Variants in IQSEC1 observed in about 807,000 individuals in gnomAD.
The protein encoded by IQSEC1 is IQ motif and SEC7 domain-containing protein 1.
A neutral mutation model predicts 91.0 loss-of-function variants in IQSEC1; 31 were observed. The observed-to-expected ratio is 0.34, with a 90% CI of 0.26 to 0.46. The LOEUF (loss-of-function observed/expected upper bound fraction) is 0.46. Among genes scored for constraint, IQSEC1 ranks in the 20% least tolerant of loss-of-function variants. The probability of loss-of-function intolerance (pLI) is 1.00; values close to 1 mark genes in which losing one functional copy is unlikely to be tolerated. For missense variants in IQSEC1, 1,388 were observed against 1,575.6 expected (o/e 0.88, Z 2.02); for synonymous variants, 699 against 662.6 (o/e 1.05, Z -0.84).
intron 1 of IQSEC1, among the ~76,000 whole-genome samples, chr3:13,257,601 C>A (rs1386332509): frequency 1.3e-5 from 2 of 152,208 alleles, no homozygotes; most frequent in African/African-American, 4.8e-5. Context: ...CACTTGAGAC[C>A]ACTCAGTTTG....
At chr3:13,212,967 T>G (rs1001753031) in intron 1 of IQSEC1, among the ~76,000 whole-genome samples, 2 of 152,260 alleles carry the variant, frequency 1.3e-5, no homozygotes, top group African/African-American at 4.8e-5. Flanking sequence ...TTATCAAATA[T>G]ATGATTTGCA....
At position 12,899,350 on chromosome 3, in the gene IQSEC1, C is replaced by T; in HGVS notation, c.*1633G>A. On this transcript the variant is annotated 3_prime_UTR_variant, in exon 14 of 14. Coordinates refer to ENST00000613206, the MANE Select transcript of IQSEC1 (RefSeq NM_001134382.3). ...TTCGCCCTTTCTGAAAGGGCCTCCG[C>T]CTGGGCAGGCGCCGGGGGGCAGTCC... 6.2e-7 allele frequency: 1 copy of T among 1,609,310 alleles called. No individual in the cohort carries two copies. Among genetic ancestry groups the T allele is most frequent in the South Asian group, 1.1e-5 (1 of 90,602 alleles).
At position 13,019,069 on chromosome 3, in the gene IQSEC1, TC is replaced by T. The variant is rs565479860; in HGVS notation, c.23+53922del. Among the ~76,000 whole-genome samples, 156 of 151,196 alleles carry T rather than the reference TC, an allele frequency of 1.0e-3. 2 individuals carry two copies. In the Middle Eastern group the frequency reaches 0.014, roughly 13 times the overall value. On this transcript the variant is annotated intron_variant, in intron 1 of 13. Coordinates refer to ENST00000613206, the MANE Select transcript of IQSEC1 (RefSeq NM_001134382.3). ...AAGAAGCCCGCCCAGCTGGCATGGC[TC>T]CCCCCCAACTCTACAGGCGAGGAAA...
In IQSEC1 at chr3:13,098,759, A is replaced by G. The variant is rs532444048; in HGVS notation, c.303-51237T>C. 1.6e-3 allele frequency among the ~76,000 whole-genome samples: 241 copies of G among 152,314 alleles called. 4 individuals carry two copies. The highest frequency in any genetic ancestry group is 7.5e-3 in the South Asian group (36 of 4,818). The stretch of plus-strand genomic sequence containing the variant: ...TCCAGAATGGGCAATTCACTAGAAA[A>G]AAGAAAGTAAATTCAAGGTTACCAG... On this transcript the variant is annotated intron_variant, in intron 2 of 15. Transcript: ENST00000648114.
At chr3:12,958,332 A>T (rs1181120600) in intron 1 of IQSEC1, among the ~76,000 whole-genome samples, 1 of 152,206 alleles carries the variant, frequency 6.6e-6, no homozygotes, top group Non-Finnish European at 1.5e-5. Context: ...ATTGGCACAC[A>T]GAGCTCTTCC....
chr3:13,077,474 A>C (rs538065015), upstream of IQSEC1, among the ~76,000 whole-genome samples: 2 of 152,300 alleles, frequency 1.3e-5, no homozygotes, highest in Non-Finnish European at 2.9e-5. Flanking sequence ...ATCACATTGC[A>C]TATCTTTTTC....
intron 1 of IQSEC1, among the ~76,000 whole-genome samples, chr3:13,219,655 A>T (rs1241591918): frequency 6.6e-6 from 1 of 152,246 alleles, no homozygotes. Context: ...GCTCCTGCCA[A>T]GTGCTTAGTG....
chr3:13,273,340 G>GA (rs1320181677), intron 1 of IQSEC1, among the ~76,000 whole-genome samples: 2 of 152,174 alleles, frequency 1.3e-5, no homozygotes, highest in Non-Finnish European at 2.9e-5. Context: ...CCCTCAAGGT[G>GA]AAAGAGGGGA....
chr3:12,928,813 C>T (rs1212434095), intron 3 of IQSEC1, among the ~76,000 whole-genome samples: 1 of 152,144 alleles, frequency 6.6e-6, no homozygotes, highest in African/African-American at 2.4e-5. Context: ...TCCCGCCTGC[C>T]CTGGGGAGAG....
intron 2 of IQSEC1, among the ~76,000 whole-genome samples, chr3:13,144,708 G>A (rs552105453): frequency 2.6e-5 from 4 of 152,314 alleles, no homozygotes; most frequent in African/African-American, 9.6e-5. Flanking sequence ...TGGCTCCCAC[G>A]GCTGCCACTG....
intron 7 of IQSEC1, 138 bp downstream of exon 7, chr3:12,915,456 A>C: frequency 2.2e-6 from 2 of 901,254 alleles, no homozygotes; most frequent in Non-Finnish European, 3.4e-6. Flanking sequence ...ACTCGAAAAA[A>C]CCCCAAGCCC....
At chr3:12,963,274 G>C (rs188091074) in intron 1 of IQSEC1, among the ~76,000 whole-genome samples, 138 of 152,356 alleles carry the variant, frequency 9.1e-4, no homozygotes, top group Non-Finnish European at 1.7e-3. Flanking sequence ...AAACCGAGGA[G>C]ATAAAACGGA....
chr3:13,247,488 G>A (rs1008263326), intron 1 of IQSEC1, among the ~76,000 whole-genome samples: 5 of 152,098 alleles, frequency 3.3e-5, no homozygotes, highest in Admixed American at 6.5e-5. Flanking sequence ...ACCCTGCCTC[G>A]GCTGATAAAG....
chr3:13,125,288 CT>C (rs570005387), intron 2 of IQSEC1, among the ~76,000 whole-genome samples: 90 of 152,338 alleles, frequency 5.9e-4, no homozygotes, highest in African/African-American at 2.0e-3. Context: ...CTCAGGTGTC[CT>C]TTTAATCATC....
Position 12,899,865 on chromosome 3 carries a change from G to C in IQSEC1, c.*1118C>G, listed in dbSNP as rs1350090551. On this transcript the variant is annotated 3_prime_UTR_variant, in exon 14 of 14. Coordinates refer to ENST00000613206, the MANE Select transcript of IQSEC1 (RefSeq NM_001134382.3). ...TATGGTGTTGGGGAGACGAGGATGA[G>C]AGCTGGTCACTTTCATGTTGGAGAT... The C allele has an allele frequency of 1.0e-6, 1 of 985,192 alleles. No individual in the cohort carries two copies. Among genetic ancestry groups the C allele is most frequent in the Non-Finnish European group, 1.2e-6 (1 of 829,914 alleles). 61.0% of individuals were successfully genotyped at this position (985,192 alleles called of 1,614,324 possible).
At chr3:13,271,071 A>T (rs1245417681) in intron 1 of IQSEC1, among the ~76,000 whole-genome samples, 1 of 152,212 alleles carries the variant, frequency 6.6e-6, no homozygotes, top group Non-Finnish European at 1.5e-5. Context: ...AAAAGGGACA[A>T]TCCATTAAGA....
intron 12 of IQSEC1, among the ~76,000 whole-genome samples, chr3:12,905,183 C>A (rs1459348904): frequency 6.6e-6 from 1 of 152,266 alleles, no homozygotes; most frequent in South Asian, 2.1e-4. Context: ...GTGGCTCACA[C>A]CACACACGTG....
At chr3:13,046,071 G>C (rs1704482504) in intron 1 of IQSEC1, among the ~76,000 whole-genome samples, 1 of 152,252 alleles carries the variant, frequency 6.6e-6, no homozygotes, top group African/African-American at 2.4e-5. Context: ...TATGAGGGCA[G>C]GGAGTGTGCT....
chr3:13,176,503 C>T (rs1039966377), intron 1 of IQSEC1, among the ~76,000 whole-genome samples: 1 of 152,222 alleles, frequency 6.6e-6, no homozygotes, highest in Non-Finnish European at 1.5e-5. Context: ...CTCTCTCTCA[C>T]CAACCAGTAA....
Sources: allele counts gnomAD v4.1 joint callset (sites outside exome capture counted in the v4.1 genomes callset), GRCh38; gene constraint gnomAD v4.1.1; transcripts MANE v1.5; gene names NCBI Gene and HGNC (gene_info 2026-07-23, HGNC 2026-07-21).